MRPS31: variants seen among roughly 807,000 people sequenced by gnomAD.
MRPS31 encodes mitochondrial ribosomal protein S31, also known as small ribosomal subunit protein mS31.
A neutral mutation model predicts 43.1 loss-of-function variants in MRPS31; 32 were observed. That is an observed-to-expected ratio of 0.74 (90% CI 0.56 to 1.00). The LOEUF (loss-of-function observed/expected upper bound fraction) is 1.00. MRPS31 is among the 50% of genes least tolerant of loss of function. The probability of loss-of-function intolerance (pLI) is 0.00; values close to 1 mark genes in which losing one functional copy is unlikely to be tolerated. For missense variants in MRPS31, 437 were observed against 466.7 expected (o/e 0.94, Z 0.59); for synonymous variants, 165 against 161.6 (o/e 1.02, Z -0.16).
chr13:40,741,332 G>A (rs1036033984), intron 6 of MRPS31, among the ~76,000 whole-genome samples: 1 of 152,060 alleles, frequency 6.6e-6, no homozygotes, highest in Non-Finnish European at 1.5e-5. Context: ...GACAAACTGG[G>A]AAACATATTT....
chr13:40,760,083 G>C (rs548118975), intron 2 of MRPS31, among the ~76,000 whole-genome samples: 154 of 146,700 alleles, frequency 1.0e-3, no homozygotes, highest in African/African-American at 3.8e-3. Context: ...GTTGCAGTGA[G>C]CCAGGATTGC....
intron 5 of MRPS31, among the ~76,000 whole-genome samples, chr13:40,752,996 A>G (rs555420365): frequency 6.6e-6 from 1 of 152,284 alleles, no homozygotes; most frequent in African/African-American, 2.4e-5. Context: ...CAGCCTCCCA[A>G]GTCCACATAC....
intron 6 of MRPS31, among the ~76,000 whole-genome samples, chr13:40,740,704 C>T (rs1313045074): frequency 1.4e-5 from 2 of 142,640 alleles, no homozygotes; most frequent in African/African-American, 2.6e-5. Flanking sequence ...CCAAACACCG[C>T]ATATTCTCAC....
rs1880459959 is a variant in MRPS31, at chr13:40,753,928, T to G, written c.814+91A>C. ...GATCCAGGCCAATGACAGAATGGAATATTAAAATATCCAAACTATTAGAAC... is the reference window on the plus strand; with the variant it reads ...GATCCAGGCCAATGACAGAATGGAAGATTAAAATATCCAAACTATTAGAAC... On this transcript the variant is annotated intron_variant, in intron 5 of 6. Transcript: ENST00000323563. 4.8e-6 allele frequency: 4 copies of G among 829,982 alleles called. No individual in the cohort carries two copies. The Admixed American group carries it at 8.5e-5, about 18-fold the overall frequency. The allele number at this position is 829,982 out of a possible 1,614,324, so 51.4% of individuals were successfully genotyped here.
chr13:40,734,895 CA>C (rs1374396791), intron 6 of MRPS31, among the ~76,000 whole-genome samples: 1 of 152,094 alleles, frequency 6.6e-6, no homozygotes, highest in African/African-American at 2.4e-5. Context: ...GACCCTGTCT[CA>C]AAAAACCCCA....
chr13:40,731,596 A>T (rs1484560590), intron 6 of MRPS31, among the ~76,000 whole-genome samples: 1 of 151,962 alleles, frequency 6.6e-6, no homozygotes, highest in Non-Finnish European at 1.5e-5. Context: ...AAAAAAAGAA[A>T]AAGAAAAAAG....
At chr13:40,748,238 A>G (rs147258358) in intron 6 of MRPS31, among the ~76,000 whole-genome samples, 1,831 of 152,258 alleles carry the variant, frequency 0.012, 48 homozygotes, top group African/African-American at 0.041. Context: ...GCTCACTGCA[A>G]CTTCTGCCTC....
At position 40,735,092 on chromosome 13, in the gene MRPS31, G is replaced by A. The variant is rs369722893; in HGVS notation, c.959-5491C>T. Among the ~76,000 whole-genome samples, 11 of 152,354 alleles carry A rather than the reference G, an allele frequency of 7.2e-5. No homozygotes were observed. In the South Asian group the frequency reaches 1.4e-3, roughly 20 times the overall value. On this transcript the variant is annotated intron_variant, in intron 6 of 6. Coordinates refer to ENST00000323563, the MANE Select transcript of MRPS31 (RefSeq NM_005830.4). ...TGGGTGCGCGCACCTTGCGCGAGCCGAAAGAGGGTGAGGCATTGCCTCACT... is the reference window on the plus strand; with the variant it reads ...TGGGTGCGCGCACCTTGCGCGAGCCAAAAGAGGGTGAGGCATTGCCTCACT...
At chr13:40,753,620 C>A (rs1265182503) in intron 5 of MRPS31, among the ~76,000 whole-genome samples, 1 of 152,138 alleles carries the variant, frequency 6.6e-6, no homozygotes, top group Non-Finnish European at 1.5e-5. Context: ...TCCCTGAGAA[C>A]CCAAACATCC....
chr13:40,744,335 A>G (rs1012724668), intron 6 of MRPS31, among the ~76,000 whole-genome samples: 12 of 152,200 alleles, frequency 7.9e-5, no homozygotes, highest in Admixed American at 6.6e-5. Context: ...TTGCACATGT[A>G]CCCCTGAACC....
At chr13:40,756,787 T>TAC (rs370317640) in intron 4 of MRPS31, 86 bp downstream of exon 4, 125 of 1,391,418 alleles carry the variant, frequency 9.0e-5, no homozygotes, top group Middle Eastern at 3.6e-4. Flanking sequence ...ACAGCAATAA[T>TAC]ACACACACAC....
rs547463901 is a variant in MRPS31 at position 40,767,756 on chromosome 13, C to T, written c.153-723G>A. Among the ~76,000 whole-genome samples, 6 of 152,332 alleles carry T rather than the reference C, an allele frequency of 3.9e-5. No individual in the cohort carries two copies. In the East Asian group the frequency reaches 1.2e-3, roughly 29 times the overall value. On this transcript the variant is annotated intron_variant, in intron 1 of 6. Transcript: ENST00000323563. ...TTAATAAATGACAATTTATTATTCT[C>T]AAACCCAAATGTGACTGACTGCAAG...
rs550548283 is a variant in MRPS31, at chr13:40,739,596, G to A, written c.958+9542C>T. ...GTACTGGTACCAAAACAGAGACATA[G>A]ATCAATGGAACAGAACAGAGCCCTC... On this transcript the variant is annotated intron_variant, in intron 6 of 6. Coordinates refer to ENST00000323563, the MANE Select transcript of MRPS31 (RefSeq NM_005830.4). Among the ~76,000 whole-genome samples, 9 of 152,248 alleles carry A rather than the reference G, an allele frequency of 5.9e-5. No individual in the cohort carries two copies. The East Asian group carries it at 1.7e-3, about 29-fold the overall frequency.
At position 40,770,946 on chromosome 13, in the gene MRPS31, G is replaced by T. The variant is rs1373703234; in HGVS notation, c.152+39C>A. ...TAACATCGACCCCAGGAAGTCGGAG[G>T]ATGTACAGGACGGGGCACGGGGTTG... On this transcript the variant is annotated intron_variant, in intron 1 of 6. Coordinates refer to ENST00000323563, the MANE Select transcript of MRPS31 (RefSeq NM_005830.4). 1.9e-6 allele frequency: 3 copies of T among 1,613,464 alleles called. No individual in the cohort carries two copies. The African/African-American group carries it at 4.0e-5, about 22-fold the overall frequency.
At chr13:40,749,030 C>A in intron 6 of MRPS31, 108 bp downstream of exon 6, 1 of 1,103,880 alleles carries the variant, frequency 9.1e-7, no homozygotes, top group South Asian at 1.7e-5. Flanking sequence ...ATGAAGATAT[C>A]CACAAAAGGT....
At chr13:40,753,947 T>C in intron 5 of MRPS31, 72 bp downstream of exon 5, 1 of 967,264 alleles carries the variant, frequency 1.0e-6, no homozygotes, top group Non-Finnish European at 1.6e-6. Context: ...ATCCAAACTA[T>C]TAGAACACTA....
intron 2 of MRPS31, among the ~76,000 whole-genome samples, chr13:40,761,366 A>T (rs766342293): frequency 1.2e-4 from 18 of 152,216 alleles, no homozygotes; most frequent in Admixed American, 2.6e-4. Flanking sequence ...TTCCAAAGTC[A>T]TTGTATTTCT....
At chr13:40,754,647 T>G (rs1880479238) in intron 4 of MRPS31, among the ~76,000 whole-genome samples, 1 of 152,246 alleles carries the variant, frequency 6.6e-6, no homozygotes, top group East Asian at 1.9e-4. Flanking sequence ...GGTAACATTT[T>G]CTTACACACT....
chr13:40,734,919 C>T (rs556553489), intron 6 of MRPS31, among the ~76,000 whole-genome samples: 26 of 152,096 alleles, frequency 1.7e-4, no homozygotes, highest in African/African-American at 3.6e-4. Flanking sequence ...TAACGCTAGG[C>T]GGGGGAGGAG....
Sources: gnomAD v4.1 joint callset for allele counts (sites outside exome capture counted in the v4.1 genomes callset) on GRCh38, gnomAD v4.1.1 for gene constraint, MANE v1.5 for transcripts, NCBI Gene and HGNC (gene_info 2026-07-23, HGNC 2026-07-21) for gene names.